The following RERE variants were observed in gnomAD, a reference collection of about 807,000 sequenced individuals.
RERE encodes the protein arginine-glutamic acid dipeptide repeats, also known as arginine-glutamic acid dipeptide repeats protein.
RERE carries 40 observed loss-of-function variants against 146.1 expected under a neutral mutation model. That is an observed-to-expected ratio of 0.27 (90% CI 0.21 to 0.36). The LOEUF is 0.36. RERE is among the 10% of genes least tolerant of loss of function. RERE has a pLI of 1.00. For missense variants in RERE, 1,933 were observed against 2,138.7 expected (o/e 0.90, Z 1.90); for synonymous variants, 1,003 against 866.0 (o/e 1.16, Z -2.78).
chr1:8,680,096 A>G (rs941978931), intron 1 of RERE, among the ~76,000 whole-genome samples: 5 of 152,142 alleles, frequency 3.3e-5, no homozygotes, highest in African/African-American at 1.2e-4. Context: ...GGTGCAAGAG[A>G]TTCTGTACAC....
chr1:8,561,065 T>A (rs1009206379), intron 4 of RERE, among the ~76,000 whole-genome samples: 2 of 152,248 alleles, frequency 1.3e-5, no homozygotes, highest in African/African-American at 4.8e-5. Flanking sequence ...GGTGATCTTC[T>A]GAAGTACAAT....
chr1:8,476,415 T>C (rs1644757594), intron 10 of RERE, among the ~76,000 whole-genome samples: 1 of 152,110 alleles, frequency 6.6e-6, no homozygotes, highest in Admixed American at 6.5e-5. Context: ...TCCGCTGCAG[T>C]GACAAAGCAA....
At chr1:8,441,769 C>T (rs755221288) in intron 11 of RERE, among the ~76,000 whole-genome samples, 1 of 152,084 alleles carries the variant, frequency 6.6e-6, no homozygotes, top group Admixed American at 6.6e-5. Context: ...AAAAACCATA[C>T]AATTTATTTC....
chr1:8,514,735 A>AAAAAGAAAGAAAAG (rs1177122408), intron 7 of RERE, among the ~76,000 whole-genome samples: 9 of 152,094 alleles, frequency 5.9e-5, no homozygotes, highest in Admixed American at 3.3e-4. Context: ...CGCCTCAAAA[A>AAAAAGAAAGAAAAG]AAAAGAAAGA....
chr1:8,786,379 T>G (rs1641259310), intron 1 of RERE: 1 of 842,402 alleles, frequency 1.2e-6, no homozygotes, highest in Admixed American at 1.7e-5. Context: ...AATCAGATCC[T>G]CCATGCAGAT....
At chr1:8,512,888 A>AG (rs1173282741) in intron 7 of RERE, 14 of 152,582 alleles carry the variant, frequency 9.2e-5, no homozygotes, top group African/African-American at 3.4e-4. Context: ...ACAGACCCCC[A>AG]TCTTCTGTGA....
At position 8,360,549 on chromosome 1, in the gene RERE, TGGGG is replaced by T; in HGVS notation, c.2954_2957del (p.Pro985HisfsTer22). 1 of 482,334 alleles carries T rather than the reference TGGGG, an allele frequency of 2.1e-6. No homozygotes were observed. The highest frequency in any genetic ancestry group is 2.6e-6 in the Non-Finnish European group (1 of 383,166). The allele number at this position is 482,334 out of a possible 1,614,324, so 29.9% of individuals were successfully genotyped here. A position where few individuals can be genotyped will look rare whatever the true frequency, so the allele number is the denominator to read the frequency against. ...GGCTCTGAGGCATGAGTTGCAGGGG[TGGGG>T]GGTGAGCCGACGGGGGGTGATGTGT... On this transcript the variant is annotated frameshift_variant, in exon 18 of 23. Transcript: ENST00000400908. LOFTEE classifies it high-confidence loss of function.
intron 6 of RERE, 114 bp downstream of exon 6, chr1:8,556,361 A>G: frequency 1.5e-6 from 1 of 655,602 alleles, no homozygotes; most frequent in Non-Finnish European, 2.7e-6. Context: ...CACTGAGGCC[A>G]AAAGAGGAGT....
At position 8,360,263 on chromosome 1, in the gene RERE, C is replaced by G. The variant is rs1363529168; in HGVS notation, c.3244G>C (p.Gly1082Arg). The change falls in exon 18 of 23, where the codon GGG (glycine) becomes CGG (arginine). Residue 1082 changes from glycine to arginine, a missense_variant. Gly to Arg is a moderately radical substitution (Grantham distance 125). Around this residue, in one of 11 missense-constraint regions of RERE, gnomAD observed 1,255 missense variants for 1,153.8 expected, o/e 1.09. Transcript: ENST00000400908. ...GTGGGGAGTGGGCAGGACGACCCCCCCGCTATGCTGCCTCCTGAAGCCGCC... is the reference window on the plus strand; with the variant it reads ...GTGGGGAGTGGGCAGGACGACCCCCGCGCTATGCTGCCTCCTGAAGCCGCC... ...GAAASGGSIA[G>R]GSSCPLPTVQ... 8 of 1,572,832 alleles carry G rather than the reference C, an allele frequency of 5.1e-6. No homozygotes were observed. The highest frequency in any genetic ancestry group is 6.9e-6 in the Non-Finnish European group (8 of 1,160,526).
chr1:8,624,942 C>CTGTAATTG (rs1646957046), intron 2 of RERE, among the ~76,000 whole-genome samples: 1 of 152,130 alleles, frequency 6.6e-6, no homozygotes, highest in Non-Finnish European at 1.5e-5. Context: ...TTACATTGTA[C>CTGTAATTG]CCTAAACACA....
At chr1:8,466,048 G>A in intron 10 of RERE, 25 bp from the exon 11 acceptor site, 1 of 1,574,660 alleles carries the variant, frequency 6.4e-7, no homozygotes. Flanking sequence ...ATTATAGTTA[G>A]CTAACTGCAC....
At chr1:8,598,316 G>C (rs144877031) in intron 4 of RERE, among the ~76,000 whole-genome samples, 116 of 152,312 alleles carry the variant, frequency 7.6e-4, no homozygotes, top group African/African-American at 2.7e-3. Flanking sequence ...GAACACACTG[G>C]AGAGAAGAGA....
intron 4 of RERE, among the ~76,000 whole-genome samples, chr1:8,613,803 A>C (rs1404605479): frequency 6.6e-6 from 1 of 152,202 alleles, no homozygotes; most frequent in Admixed American, 6.5e-5. Context: ...CTCGACTTTC[A>C]GAAAACACTA....
chr1:8,524,164 G>T (rs1400271964), intron 7 of RERE, among the ~76,000 whole-genome samples: 6 of 152,162 alleles, frequency 3.9e-5, no homozygotes, highest in Admixed American at 3.9e-4. Flanking sequence ...TATGGTATGG[G>T]GTACCTCCCC....
intron 1 of RERE, among the ~76,000 whole-genome samples, chr1:8,783,143 G>T (rs759893113): frequency 6.6e-6 from 1 of 152,136 alleles, no homozygotes; most frequent in Non-Finnish European, 1.5e-5. Context: ...AGACCAGCCT[G>T]GGCAACATAG....
rs148167297 is a variant in RERE, at chr1:8,611,643, GCTAA to G, written c.522+2914_522+2917del. Among the ~76,000 whole-genome samples the G allele has an allele frequency of 7.8e-3, 1,182 of 152,302 alleles. 17 individuals are homozygous for G. The highest frequency in any genetic ancestry group is 0.028 in the African/African-American group (1,145 of 41,552). On this transcript the variant is annotated intron_variant, in intron 4 of 22. Coordinates refer to ENST00000400908, the MANE Select transcript of RERE (RefSeq NM_001042681.2). ...AAGACATGGCTAAAAGAATTAAAAT[GCTAA>G]CTAACTAATATCCTCACTAGTCCTT... is the stretch of plus-strand genomic sequence containing the variant.
chr1:8,454,461 T>A (rs969346001), intron 11 of RERE, among the ~76,000 whole-genome samples: 2 of 152,080 alleles, frequency 1.3e-5, no homozygotes, highest in Non-Finnish European at 2.9e-5. Flanking sequence ...CCTCAGAATT[T>A]TCCCCTTCCC....
intron 1 of RERE, among the ~76,000 whole-genome samples, chr1:8,721,437 G>A (rs145831879): frequency 0.026 from 3,885 of 152,010 alleles, 152 homozygotes; most frequent in African/African-American, 0.088. Flanking sequence ...TCAGCCTCCC[G>A]AGTAGCTGAG....
chr1:8,790,992 G>T (rs1000702025), intron 1 of RERE, among the ~76,000 whole-genome samples: 2 of 152,112 alleles, frequency 1.3e-5, no homozygotes, highest in South Asian at 2.1e-4. Context: ...TCCAAAGAAG[G>T]GACTCAGAAA....
Sources: allele counts gnomAD v4.1 joint callset (sites outside exome capture counted in the v4.1 genomes callset), GRCh38; gene constraint gnomAD v4.1.1; regional missense constraint gnomAD v4.1.1; transcripts MANE v1.5; gene names NCBI Gene and HGNC (gene_info 2026-07-23, HGNC 2026-07-21).